Variants in SP3 observed in about 807,000 individuals in gnomAD.
SP3 encodes the protein transcription factor Sp3.
A neutral mutation model predicts 70.3 loss-of-function variants in SP3; 10 were observed. That is an observed-to-expected ratio of 0.14 (90% confidence interval 0.09 to 0.24). The LOEUF is 0.24. SP3 is among the 10% of genes least tolerant of loss of function. SP3 has a pLI of 1.00. For synonymous variants in SP3, 402 were observed against 333.5 expected (o/e 1.21, Z -2.24); for missense variants, 825 against 914.6 (o/e 0.90, Z 1.26).
intron 6 of SP3, among the ~76,000 whole-genome samples, chr2:173,910,794 T>G (rs996095555): frequency 6.6e-6 from 1 of 152,202 alleles, no homozygotes; most frequent in East Asian, 1.9e-4. Context: ...GCTAGCTGAC[T>G]TGACTTCAGC....
At position 173,912,297 on chromosome 2, in the gene SP3, G is replaced by C. The variant is rs10204646; in HGVS notation, c.2029+773C>G. Among the ~76,000 whole-genome samples, 5 of 152,218 alleles carry C rather than the reference G, an allele frequency of 3.3e-5. No individual in the cohort carries two copies. In the South Asian group the frequency reaches 8.3e-4, roughly 25 times the overall value. ...GTAGGATATGTGAAGCAACGTCAGA[G>C]ATAGTTTATTCGCTTAACCTAATAG... On this transcript the variant is annotated intron_variant, in intron 6 of 6. Transcript: ENST00000310015.
At chr2:173,964,988 T>G (rs1574432668) in intron 1 of SP3, 177 bp downstream of exon 1, 1 of 780,988 alleles carries the variant, frequency 1.3e-6, no homozygotes, top group Non-Finnish European at 1.9e-6. Flanking sequence ...GCTTCGGGGG[T>G]GGACGGTGGC....
In SP3 at chr2:173,955,060, G is replaced by T. The variant is rs1345241941; in HGVS notation, c.1452C>A (p.Ala484=). 2 of 1,614,000 alleles carry T rather than the reference G, an allele frequency of 1.2e-6. No homozygotes were observed. The highest frequency in any genetic ancestry group is 2.7e-5 in the African/African-American group (2 of 74,910). ...GAACAGGCGTCAAAGTTATTTGTTG[G>T]GCAGCAGTATTCTGTATTTGCAAAT... ...LQNLQIQNTA[A]QQITLTPVQT... Residue 484 remains alanine (A), a synonymous_variant, in exon 4 of 7, where the codon GCC becomes GCA. Coordinates refer to ENST00000310015, the MANE Select transcript of SP3 (RefSeq NM_003111.5).
chr2:173,928,170 A>C (rs1430126865), intron 4 of SP3, among the ~76,000 whole-genome samples: 1 of 152,194 alleles, frequency 6.6e-6, no homozygotes, highest in African/African-American at 2.4e-5. Flanking sequence ...CATTAAATAA[A>C]TTAGGACTAA....
Position 173,965,347 on chromosome 2 carries a change from C to T in SP3, c.-176G>A. On this transcript the variant is annotated 5_prime_UTR_variant, in exon 1 of 7. Coordinates refer to ENST00000310015, the MANE Select transcript of SP3 (RefSeq NM_003111.5). ...CGGGAAACACAAAAGGTGGAGCCTC[C>T]AGCCCAAAAGGGGGGAAGAGGGTGA... is the stretch of plus-strand genomic sequence containing the variant. 2 of 725,560 alleles carry T rather than the reference C, an allele frequency of 2.8e-6. No homozygotes were observed. The highest frequency in any genetic ancestry group is 2.9e-5 in the East Asian group (1 of 34,282). 44.9% of individuals were successfully genotyped at this position (725,560 alleles called of 1,614,324 possible).
intron 3 of SP3, among the ~76,000 whole-genome samples, chr2:173,961,945 T>TTTTG (rs1691098874): frequency 1.3e-5 from 2 of 151,006 alleles, no homozygotes; most frequent in African/African-American, 4.8e-5. Context: ...GTTTTTTTTT[T>TTTTG]TTTTTTTTTT....
At chr2:173,914,710 A>T (rs1377044853) in intron 5 of SP3, 1 of 152,116 alleles carries the variant, frequency 6.6e-6, no homozygotes, top group Non-Finnish European at 1.5e-5. Context: ...ATCTAACACA[A>T]TTCTAGTTTC....
At chr2:173,921,716 A>G (rs554606864) in intron 4 of SP3, among the ~76,000 whole-genome samples, 3 of 152,302 alleles carry the variant, frequency 2.0e-5, no homozygotes, top group Admixed American at 2.0e-4. Flanking sequence ...ACCCTGACAC[A>G]GTTTAGATAT....
At position 173,964,485 on chromosome 2, in the gene SP3, C is replaced by CGCCACCGCCGCCGCCGCT. The variant is rs1553468920; in HGVS notation, c.58_75dup (p.Ser20_Gly25dup). The stretch of plus-strand genomic sequence containing the variant: ...AGATACTCGCCGTGGCCGCCGCCGC[C>CGCCACCGCCGCCGCCGCT]GCCACCGCCGCCGCCGCTATCCACG... On this transcript the variant is annotated inframe_insertion, in exon 2 of 7. Coordinates refer to ENST00000310015, the MANE Select transcript of SP3 (RefSeq NM_003111.5). 1.4e-4 allele frequency: 100 copies of CGCCACCGCCGCCGCCGCT among 705,512 alleles called. No homozygotes were observed. The highest frequency in any genetic ancestry group is 1.4e-3 in the South Asian group (91 of 67,020). 43.7% of individuals were successfully genotyped at this position (705,512 alleles called of 1,614,324 possible).
intron 4 of SP3, among the ~76,000 whole-genome samples, chr2:173,953,114 T>C (rs1240763790): frequency 6.6e-6 from 1 of 152,252 alleles, no homozygotes; most frequent in Non-Finnish European, 1.5e-5. Context: ...TTAGTAAATA[T>C]CTTTTCTTAC....
intron 2 of SP3, 27 bp from the exon 3 acceptor site, chr2:173,963,910 G>C: frequency 2.8e-6 from 4 of 1,427,956 alleles, no homozygotes; most frequent in Non-Finnish European, 3.7e-6. Flanking sequence ...GGTTCAGAGA[G>C]GGAGACAGGG....
chr2:173,953,440 G>A (rs941160478), intron 4 of SP3, among the ~76,000 whole-genome samples: 28 of 151,902 alleles, frequency 1.8e-4, no homozygotes, highest in Admixed American at 8.6e-4. Flanking sequence ...CCAGCACTTT[G>A]GGAGACCCAC....
chr2:173,964,257 G>T (rs1337009768), intron 2 of SP3, 148 bp downstream of exon 2: 2 of 506,632 alleles, frequency 3.9e-6, no homozygotes, highest in African/African-American at 4.1e-5. Flanking sequence ...TTGGCGCCTC[G>T]GGCGGGCAGC....
chr2:173,943,790 CT>C (rs1382753601), intron 4 of SP3, among the ~76,000 whole-genome samples: 4 of 152,220 alleles, frequency 2.6e-5, no homozygotes, highest in Non-Finnish European at 4.4e-5. Context: ...CCATTTGTCA[CT>C]TAATGACTGG....
intron 4 of SP3, among the ~76,000 whole-genome samples, chr2:173,922,169 G>A (rs550754254): frequency 6.6e-5 from 10 of 152,286 alleles, no homozygotes; most frequent in Admixed American, 5.9e-4. Flanking sequence ...TTGAGGAGGA[G>A]GGGTAGAATT....
chr2:173,914,213 G>A (rs1647555034), intron 5 of SP3: 1 of 151,764 alleles, frequency 6.6e-6, no homozygotes, highest in South Asian at 2.1e-4. Flanking sequence ...AAATAAATTA[G>A]TTTTTAAAAA....
chr2:173,945,080 A>G (rs987080841), intron 4 of SP3, among the ~76,000 whole-genome samples: 3 of 152,226 alleles, frequency 2.0e-5, no homozygotes, highest in African/African-American at 7.2e-5. Flanking sequence ...TATAATATTT[A>G]CTAATGTTAA....
chr2:173,953,795 AC>A (rs1480427288), intron 4 of SP3, among the ~76,000 whole-genome samples: 1 of 149,402 alleles, frequency 6.7e-6, no homozygotes, highest in Non-Finnish European at 1.5e-5. Flanking sequence ...AAAAAAAAAA[AC>A]AACTACTGCT....
chr2:173,964,296 G>A (rs1246181919), intron 2 of SP3, 109 bp downstream of exon 2: 7 of 566,426 alleles, frequency 1.2e-5, no homozygotes, highest in East Asian at 6.9e-5. Flanking sequence ...GGAGTGGAGG[G>A]GAGGGGAGAG....
Sources: gnomAD v4.1 joint callset for allele counts (sites outside exome capture counted in the v4.1 genomes callset) on GRCh38, gnomAD v4.1.1 for gene constraint, MANE v1.5 for transcripts, NCBI Gene and HGNC (gene_info 2026-07-23, HGNC 2026-07-21) for gene names.